The following CPNE5 variants were observed in gnomAD, a reference collection of about 807,000 sequenced individuals.
CPNE5 encodes the protein copine 5, also known as copine-5.
A neutral mutation model predicts 81.1 loss-of-function variants in CPNE5; 42 were observed. The observed-to-expected ratio is 0.52, with a 90% CI of 0.40 to 0.67. The LOEUF is 0.67. Ranked by LOEUF, CPNE5 falls within the 30% of genes least tolerant of loss-of-function variation. CPNE5 has a pLI of 0.00. For missense variants in CPNE5, 612 were observed against 815.5 expected (o/e 0.75, Z 3.04); for synonymous variants, 313 against 321.5 (o/e 0.97, Z 0.28).
intron 3 of CPNE5, among the ~76,000 whole-genome samples, chr6:36,802,917 G>T (rs555557578): frequency 6.6e-6 from 1 of 152,226 alleles, no homozygotes; most frequent in African/African-American, 2.4e-5. Context: ...ATTGAGCCAG[G>T]CTTGATGGCG....
intron 20 of CPNE5, 142 bp downstream of exon 20, chr6:36,743,547 C>T (rs899918844): frequency 8.9e-6 from 7 of 789,566 alleles, no homozygotes; most frequent in Admixed American, 4.0e-5. Flanking sequence ...CTACTCCCTT[C>T]GGTGGTGGCT....
chr6:36,797,903 TGGG>T (rs1769737313), intron 6 of CPNE5, among the ~76,000 whole-genome samples: 1 of 152,096 alleles, frequency 6.6e-6, no homozygotes, highest in African/African-American at 2.4e-5. Context: ...GGGGTCAGGG[TGGG>T]AATAGACTAT....
chr6:36,746,342 G>A lies in CPNE5; in HGVS notation c.1200+54C>T, dbSNP rs1764160999. ...GGAAACGTCCCCCCACCCCCAGCTT[G>A]TCACCTCACCCCCAGCCTGATCAGT... is the stretch of plus-strand genomic sequence containing the variant. On this transcript the variant is annotated intron_variant, in intron 16 of 20. Coordinates refer to ENST00000244751, the MANE Select transcript of CPNE5 (RefSeq NM_020939.2). This position sits in a 1 kb window ranked among gnomAD's most constrained non-coding sequence, Gnocchi z 4.5. The A allele has an allele frequency of 1.4e-6, 2 of 1,418,738 alleles. No homozygotes were observed. Among genetic ancestry groups the A allele is most frequent in the African/African-American group, 1.5e-5 (1 of 66,394 alleles). The allele number at this position is 1,418,738 out of a possible 1,614,324, so 87.9% of individuals were successfully genotyped here.
At chr6:36,791,991 C>A (rs9349011) in intron 8 of CPNE5, 42 bp downstream of exon 8, 530,383 of 1,581,198 alleles carry the variant, frequency 0.34, 93,287 homozygotes, top group South Asian at 0.46. Context: ...TCCATCACCC[C>A]CACCCCAACC....
chr6:36,758,415 A>ATTTTTTTTTTT (rs72371807), intron 12 of CPNE5, among the ~76,000 whole-genome samples: 3,244 of 139,860 alleles, frequency 0.023, 104 homozygotes, highest in African/African-American at 0.068. Flanking sequence ...ATGTCTGGCT[A>ATTTTTTTTTTT]TTTTTTTTTT....
At chr6:36,823,272 G>A (rs1364283795) in intron 1 of CPNE5, among the ~76,000 whole-genome samples, 174 bp from the exon 2 acceptor site, 1 of 152,018 alleles carries the variant, frequency 6.6e-6, no homozygotes, top group Admixed American at 6.6e-5. Flanking sequence ...AGGCCCTGGA[G>A]GTTCCTCAGC....
intron 3 of CPNE5, among the ~76,000 whole-genome samples, chr6:36,807,993 A>G (rs1364350864): frequency 1.3e-5 from 2 of 152,226 alleles, no homozygotes; most frequent in African/African-American, 4.8e-5. Context: ...AAAGTAAAGG[A>G]GAGAGGTCGC....
chr6:36,799,811 G>A (rs1347569102), intron 4 of CPNE5, among the ~76,000 whole-genome samples, 156 bp downstream of exon 4: 1 of 152,116 alleles, frequency 6.6e-6, no homozygotes, highest in African/African-American at 2.4e-5. Flanking sequence ...CCTGGTAAGG[G>A]TGCAGGCGAC....
intron 3 of CPNE5, among the ~76,000 whole-genome samples, chr6:36,807,296 T>A (rs2150550611): frequency 6.6e-6 from 1 of 152,368 alleles, no homozygotes; most frequent in South Asian, 2.1e-4. Flanking sequence ...TGCTACTCCC[T>A]GGTTATGTGA....
At chr6:36,773,465 C>T (rs1386802514) in intron 10 of CPNE5, among the ~76,000 whole-genome samples, 2 of 152,240 alleles carry the variant, frequency 1.3e-5, no homozygotes, top group African/African-American at 4.8e-5. Context: ...CCCCTACTGG[C>T]ATGTAAACAC....
chr6:36,762,446 T>C (rs919046549), intron 12 of CPNE5, among the ~76,000 whole-genome samples: 1 of 152,114 alleles, frequency 6.6e-6, no homozygotes, highest in African/African-American at 2.4e-5. Flanking sequence ...GCTCTCCAGC[T>C]CTGGGGCTAG....
intron 3 of CPNE5, among the ~76,000 whole-genome samples, chr6:36,821,409 A>G (rs1036678587): frequency 3.9e-5 from 6 of 152,112 alleles, no homozygotes; most frequent in African/African-American, 1.4e-4. Context: ...CCCGGGTTTT[A>G]ACAAGATCCC....
chr6:36,762,167 C>T (rs1407944676), intron 12 of CPNE5, among the ~76,000 whole-genome samples: 3 of 149,238 alleles, frequency 2.0e-5, no homozygotes, highest in Non-Finnish European at 3.0e-5. Flanking sequence ...GTGGGAGGAT[C>T]GCTTGAGCCT....
intron 7 of CPNE5, among the ~76,000 whole-genome samples, chr6:36,794,075 C>T (rs913468702): frequency 2.6e-5 from 4 of 151,942 alleles, no homozygotes; most frequent in African/African-American, 7.3e-5. Context: ...CCGCAGCTGG[C>T]GAGCAAACGA....
At chr6:36,777,759 CCCCCCA>C (rs1178159170) in intron 9 of CPNE5, among the ~76,000 whole-genome samples, 1 of 64,536 alleles carries the variant, frequency 1.5e-5, no homozygotes, top group Non-Finnish European at 3.2e-5. Flanking sequence ...GCCTACCCCC[CCCCCCA>C]CCACACACAC....
At chr6:36,788,074 A>G (rs1424291088) in intron 8 of CPNE5, among the ~76,000 whole-genome samples, 1 of 140,716 alleles carries the variant, frequency 7.1e-6, no homozygotes, top group African/African-American at 2.7e-5. Flanking sequence ...TCTGTTCCCC[A>G]GGCTTCAGTG....
intron 9 of CPNE5, among the ~76,000 whole-genome samples, chr6:36,775,817 T>A (rs1767449638): frequency 6.6e-6 from 1 of 152,158 alleles, no homozygotes; most frequent in African/African-American, 2.4e-5. Flanking sequence ...AAAGCAAGGA[T>A]TTTTGTCTCT....
chr6:36,827,563 G>A (rs1300453896), intron 1 of CPNE5: 1 of 985,206 alleles, frequency 1.0e-6, no homozygotes, highest in Non-Finnish European at 1.2e-6. Flanking sequence ...GTCTCTTAGG[G>A]CCTCAGTTTC....
chr6:36,778,822 GT>G, intron 9 of CPNE5, 31 bp downstream of exon 9: 2 of 1,414,278 alleles, frequency 1.4e-6, no homozygotes, highest in Non-Finnish European at 2.0e-6. Flanking sequence ...GGACGAGAAG[GT>G]GCAGTGCACA....
Sources: gnomAD v4.1 joint callset for allele counts (sites outside exome capture counted in the v4.1 genomes callset) on GRCh38, gnomAD v4.1.1 for gene constraint, Gnocchi (gnomAD v3.1) non-coding constraint, MANE v1.5 for transcripts, NCBI Gene and HGNC (gene_info 2026-07-23, HGNC 2026-07-21) for gene names.